The following RBFOX1 variants were observed in gnomAD, a reference collection of about 807,000 sequenced individuals.
RBFOX1 encodes RNA binding fox-1 homolog 1.
In RBFOX1, 8 loss-of-function variants were observed where a neutral mutation model predicts 57.7. That is an observed-to-expected ratio of 0.14 (90% CI 0.08 to 0.25). The LOEUF (loss-of-function observed/expected upper bound fraction) is 0.25. RBFOX1 is among the 10% of genes least tolerant of loss of function. The pLI is 1.00. For synonymous variants in RBFOX1, 326 were observed against 222.4 expected, an observed-to-expected ratio of 1.47 and a Z score of -4.15; for missense variants, 611 against 548.5, an observed-to-expected ratio of 1.11 and a Z score of -1.14.
chr16:6,770,830 C>T (rs911907773), intron 3 of RBFOX1, among the ~76,000 whole-genome samples: 197 of 152,202 alleles, frequency 1.3e-3, no homozygotes, highest in African/African-American at 4.6e-3. Flanking sequence ...ATGGAGAGAG[C>T]CCATTTCTAA....
At chr16:5,814,991 CT>C (rs1407190238) in intron 3 of RBFOX1, among the ~76,000 whole-genome samples, 120 of 145,696 alleles carry the variant, frequency 8.2e-4, no homozygotes, top group Admixed American at 1.0e-3. Context: ...TTCTTTCTTT[CT>C]TTTTTTTTTT....
At chr16:7,699,112 T>C (rs1005774753) in intron 14 of RBFOX1, among the ~76,000 whole-genome samples, 3 of 152,162 alleles carry the variant, frequency 2.0e-5, no homozygotes, top group Non-Finnish European at 2.9e-5. Context: ...AGCCTGGAAA[T>C]CTGCATTCTA....
intron 4 of RBFOX1, among the ~76,000 whole-genome samples, chr16:7,152,141 C>G (rs1039538223): frequency 1.3e-5 from 2 of 152,156 alleles, no homozygotes; most frequent in African/African-American, 2.4e-5. Flanking sequence ...GGTGTCAATT[C>G]TGTTTGGATC....
chr16:5,831,962 G>A (rs755207194), intron 3 of RBFOX1, among the ~76,000 whole-genome samples: 9 of 152,114 alleles, frequency 5.9e-5, no homozygotes, highest in African/African-American at 1.7e-4. Context: ...AATGTCTATC[G>A]AGAGGTTGAA....
chr16:6,211,847 T>C (rs2097300510), intron 1 of RBFOX1, among the ~76,000 whole-genome samples: 1 of 151,190 alleles, frequency 6.6e-6, no homozygotes, highest in African/African-American at 2.4e-5. Flanking sequence ...TTTATTTATT[T>C]ATTTATTTAT....
At position 7,046,237 on chromosome 16, in the gene RBFOX1, G is replaced by GGTGTGTGTGTGT. The variant is rs34943266; in HGVS notation, c.-15-5801_-15-5790dup. 1.5e-3 allele frequency among the ~76,000 whole-genome samples: 219 copies of GGTGTGTGTGTGT among 146,690 alleles called. 3 individuals are homozygous for GGTGTGTGTGTGT. The East Asian group carries it at 0.024, about 16-fold the overall frequency. On this transcript the variant is annotated intron_variant, in intron 3 of 15. Transcript: ENST00000550418. The stretch of plus-strand genomic sequence containing the variant: ...ATAAAGTGTGAGGTTTAGGTAAAGG[G>GGTGTGTGTGTGT]GTGTGTGTGTGTGTGTGTGTGTGTG...
At chr16:6,784,361 C>G (rs913253000) in intron 3 of RBFOX1, among the ~76,000 whole-genome samples, 1 of 152,080 alleles carries the variant, frequency 6.6e-6, no homozygotes, top group African/African-American at 2.4e-5. Flanking sequence ...TTTGAGCTCA[C>G]TGATTCTTTC....
chr16:7,293,952 A>G (rs898473042), intron 4 of RBFOX1, among the ~76,000 whole-genome samples: 1 of 152,262 alleles, frequency 6.6e-6, no homozygotes, highest in East Asian at 1.9e-4. Context: ...GTTAGAGGTG[A>G]AGTCACTTCT....
At chr16:7,414,361 G>A (rs1411140741) in intron 4 of RBFOX1, among the ~76,000 whole-genome samples, 1 of 152,148 alleles carries the variant, frequency 6.6e-6, no homozygotes, top group African/African-American at 2.4e-5. Context: ...AAGATAGATT[G>A]GTGGTCAAAA....
At chr16:6,817,604 G>A (rs554214196) in intron 3 of RBFOX1, among the ~76,000 whole-genome samples, 36 of 151,688 alleles carry the variant, frequency 2.4e-4, no homozygotes, top group African/African-American at 8.7e-4. Flanking sequence ...TACTCGGGAG[G>A]CTGAGGCAAG....
intron 4 of RBFOX1, among the ~76,000 whole-genome samples, chr16:7,377,549 C>G (rs1231931127): frequency 6.6e-6 from 1 of 152,188 alleles, no homozygotes; most frequent in Admixed American, 6.5e-5. Context: ...GCTCTGGAAT[C>G]TGTATTTGCA....
chr16:5,599,189 C>A, exon 3 of RBFOX1: 1 of 704,276 alleles, frequency 1.4e-6, no homozygotes, highest in Non-Finnish European at 2.6e-6. Flanking sequence ...GAGCTGTATT[C>A]TGTCCTCTAA....
chr16:6,007,199 C>G lies in RBFOX1; in HGVS notation c.351+139864C>G, dbSNP rs79401277. Among the ~76,000 whole-genome samples the G allele has an allele frequency of 4.9e-3, 744 of 152,286 alleles. 9 individuals carry two copies. The highest frequency in any genetic ancestry group is 0.017 in the African/African-American group (720 of 41,540). ...AGCTTGGCGTGAATGAATTGATTCA[C>G]TTCCCATAAGTGGAATAGGACAGAA... On this transcript the variant is annotated intron_variant, in intron 4 of 19. Transcript: ENST00000641259.
intron 1 of RBFOX1, among the ~76,000 whole-genome samples, chr16:6,132,474 C>T (rs2096636551): frequency 6.6e-6 from 1 of 152,122 alleles, no homozygotes; most frequent in Non-Finnish European, 1.5e-5. Context: ...ATGTTTGTTG[C>T]GTTCATTTAT....
intron 1 of RBFOX1, among the ~76,000 whole-genome samples, chr16:5,304,902 AC>A (rs1327602393): frequency 2.0e-5 from 3 of 152,122 alleles, no homozygotes; most frequent in African/African-American, 7.2e-5. Context: ...GCGAATTTGA[AC>A]CTCTTCATGA....
At chr16:5,756,552 A>C (rs1369875317) in intron 3 of RBFOX1, among the ~76,000 whole-genome samples, 3 of 152,166 alleles carry the variant, frequency 2.0e-5, no homozygotes, top group Admixed American at 2.0e-4. Flanking sequence ...GATAAATTTG[A>C]GGAGTAATGA....
At chr16:6,802,483 C>G (rs377254666) in intron 3 of RBFOX1, among the ~76,000 whole-genome samples, 420 of 152,212 alleles carry the variant, frequency 2.8e-3, no homozygotes, top group African/African-American at 9.6e-3. Context: ...TTGAGACCAG[C>G]CTGACCAATT....
intron 4 of RBFOX1, among the ~76,000 whole-genome samples, chr16:7,230,056 GA>G (rs1466367314): frequency 2.1e-5 from 3 of 141,974 alleles, no homozygotes; most frequent in African/African-American, 8.0e-5. Flanking sequence ...GGAAGGAAAG[GA>G]GAGAGAGGAA....
At chr16:6,949,702 C>G (rs1168034989) in intron 3 of RBFOX1, among the ~76,000 whole-genome samples, 1 of 152,164 alleles carries the variant, frequency 6.6e-6, no homozygotes, top group South Asian at 2.1e-4. Flanking sequence ...CTTCTAGGTC[C>G]TACCTCCACA....
Sources: gnomAD v4.1 joint callset for allele counts (sites outside exome capture counted in the v4.1 genomes callset) on GRCh38, gnomAD v4.1.1 for gene constraint, MANE v1.5 for transcripts, NCBI Gene and HGNC (gene_info 2026-07-23, HGNC 2026-07-21) for gene names.